BEND6: variants seen among roughly 807,000 people sequenced by gnomAD.
BEND6 encodes the protein BEN domain containing 6, also known as BEN domain-containing protein 6.
In BEND6, 24 loss-of-function variants were observed where a neutral mutation model predicts 31.8. That is an observed-to-expected ratio of 0.75 (90% CI 0.55 to 1.06). The LOEUF (loss-of-function observed/expected upper bound fraction) is 1.06, where lower values mean the gene tolerates loss of function less well. Among genes scored for constraint, BEND6 ranks in the 50% least tolerant of loss-of-function variants. The pLI is 0.00. For missense variants in BEND6, 294 were observed against 327.4 expected (o/e 0.90, Z 0.79); for synonymous variants, 109 against 114.6 (o/e 0.95, Z 0.31).
chr6:56,973,206 C>CA (rs1012146655), intron 1 of BEND6, among the ~76,000 whole-genome samples: 14 of 152,152 alleles, frequency 9.2e-5, no homozygotes, highest in Non-Finnish European at 1.0e-4. Context: ...TCAGCAACCC[C>CA]AGTGAAGTAA....
chr6:57,001,438 C>T (rs568869323), intron 3 of BEND6, among the ~76,000 whole-genome samples: 6 of 152,198 alleles, frequency 3.9e-5, no homozygotes, highest in South Asian at 4.2e-4. Flanking sequence ...GCTGGGATTA[C>T]AGGCATGAGC....
chr6:57,024,990 C>T (rs969439385), intron 6 of BEND6, among the ~76,000 whole-genome samples: 5 of 152,178 alleles, frequency 3.3e-5, no homozygotes, highest in Admixed American at 1.3e-4. Context: ...ATCCATTCTG[C>T]TGTTGAGAGC....
At chr6:56,968,228 C>T (rs1825554328) in intron 1 of BEND6, among the ~76,000 whole-genome samples, 1 of 151,834 alleles carries the variant, frequency 6.6e-6, no homozygotes. Context: ...CTTTCCTTTC[C>T]CTTCATGGAA....
chr6:56,963,948 ATAT>A (rs1825376435), intron 1 of BEND6, among the ~76,000 whole-genome samples: 2 of 147,810 alleles, frequency 1.4e-5, no homozygotes, highest in Non-Finnish European at 3.0e-5. Context: ...TTTTGTAATA[ATAT>A]TGATATAATT....
intron 6 of BEND6, among the ~76,000 whole-genome samples, chr6:57,023,572 C>T (rs1827815817): frequency 6.6e-6 from 1 of 152,178 alleles, no homozygotes; most frequent in South Asian, 2.1e-4. Flanking sequence ...TGCATTCAGC[C>T]ATCCTATACC....
intron 6 of BEND6, 57 bp from the exon 7 acceptor site, chr6:57,026,025 A>G (rs1367638962): frequency 1.3e-5 from 2 of 152,176 alleles, no homozygotes; most frequent in Non-Finnish European, 2.9e-5. Context: ...ATAACTGTTA[A>G]AATACTACGA....
chr6:56,975,720 T>G (rs185238137), intron 1 of BEND6: 13 of 474,998 alleles, frequency 2.7e-5, no homozygotes, highest in Non-Finnish European at 5.0e-5. Context: ...AGTTTTGGGA[T>G]ATTTTGTGCA....
intron 1 of BEND6, among the ~76,000 whole-genome samples, chr6:56,964,993 T>C (rs189183391): frequency 1.3e-5 from 2 of 152,354 alleles, no homozygotes; most frequent in South Asian, 2.1e-4. Context: ...TAGTTCTGAC[T>C]TGCCCTATGG....
rs763105247 is a variant in BEND6, at chr6:57,026,806, TTTTG to T, written c.*742_*745del. 9 of 152,202 alleles carry T rather than the reference TTTTG, an allele frequency of 5.9e-5. No individual in the cohort carries two copies. The highest frequency in any genetic ancestry group is 1.2e-4 in the Non-Finnish European group (8 of 68,032). 9.4% of individuals were successfully genotyped at this position (152,202 alleles called of 1,614,324 possible). Reference sequence around the variant, plus strand: ...AATGCATCAATTTTCAGGGAAATCTTTTTGTTTGTTTATTTACCAGACATGTTCT... The same window carrying T: ...AATGCATCAATTTTCAGGGAAATCTTTTTGTTTATTTACCAGACATGTTCT... On this transcript the variant is annotated 3_prime_UTR_variant, in exon 7 of 7. Coordinates refer to ENST00000370746, the MANE Select transcript of BEND6 (RefSeq NM_152731.3).
At chr6:56,966,774 G>C (rs1377791182) in intron 1 of BEND6, among the ~76,000 whole-genome samples, 1 of 152,186 alleles carries the variant, frequency 6.6e-6, no homozygotes, top group Admixed American at 6.6e-5. Context: ...TTTAGCACTT[G>C]GTTGTTTTGC....
intron 2 of BEND6, among the ~76,000 whole-genome samples, chr6:56,987,341 C>T (rs1826319888): frequency 6.6e-6 from 1 of 152,170 alleles, no homozygotes; most frequent in Non-Finnish European, 1.5e-5. Context: ...GATACAAGCA[C>T]ATTTGGATTC....
At chr6:56,972,315 G>T (rs544355365) in intron 1 of BEND6, among the ~76,000 whole-genome samples, 3 of 151,850 alleles carry the variant, frequency 2.0e-5, no homozygotes, top group African/African-American at 7.3e-5. Context: ...GGCTGGTCTC[G>T]AACCTCTGAG....
intron 6 of BEND6, among the ~76,000 whole-genome samples, chr6:57,018,954 A>G (rs887260697): frequency 1.3e-5 from 2 of 152,182 alleles, no homozygotes; most frequent in African/African-American, 4.8e-5. Flanking sequence ...ATTTCTCTCT[A>G]GGACAGAGGA....
At chr6:57,018,074 A>C (rs1827625185) in intron 5 of BEND6, among the ~76,000 whole-genome samples, 1 of 151,172 alleles carries the variant, frequency 6.6e-6, no homozygotes, top group Non-Finnish European at 1.5e-5. Context: ...GATACAGAAA[A>C]AGATCAGTCA....
At chr6:56,993,844 T>C (rs1826600342) in intron 3 of BEND6, among the ~76,000 whole-genome samples, 1 of 152,080 alleles carries the variant, frequency 6.6e-6, no homozygotes, top group South Asian at 2.1e-4. Flanking sequence ...ACTTTTGGCA[T>C]GCACCACCAC....
At chr6:57,016,260 A>G (rs973882543) in intron 4 of BEND6, among the ~76,000 whole-genome samples, 5 of 152,214 alleles carry the variant, frequency 3.3e-5, no homozygotes, top group Admixed American at 2.0e-4. Flanking sequence ...AATATTAACT[A>G]ACAATCTGAC....
intron 2 of BEND6, among the ~76,000 whole-genome samples, chr6:56,989,062 T>C (rs1826394285): frequency 6.6e-6 from 1 of 151,138 alleles, no homozygotes; most frequent in Non-Finnish European, 1.5e-5. Context: ...ATAATAACAA[T>C]AATAGTTTTA....
intron 3 of BEND6, among the ~76,000 whole-genome samples, chr6:57,007,877 A>T (rs993679345): frequency 5.9e-4 from 90 of 152,302 alleles, no homozygotes; most frequent in African/African-American, 2.0e-3. Flanking sequence ...AGGCCCAATA[A>T]CAGGAAGCAG....
In BEND6 at chr6:56,973,497, CATT is replaced by C. The variant is rs201950839; in HGVS notation, c.-100-8212_-100-8210del. 7.1e-4 allele frequency among the ~76,000 whole-genome samples: 108 copies of C among 152,198 alleles called. 4 individuals carry two copies. In the East Asian group the frequency reaches 0.02, roughly 28 times the overall value. ...AATTTATTAATTAGGCACAGTAAAA[CATT>C]AATAACAATAACTAATAGTAATATA... On this transcript the variant is annotated intron_variant, in intron 1 of 6. Transcript: ENST00000370746.
Sources: gnomAD v4.1 joint callset for allele counts (sites outside exome capture counted in the v4.1 genomes callset) on GRCh38, gnomAD v4.1.1 for gene constraint, MANE v1.5 for transcripts, NCBI Gene and HGNC (gene_info 2026-07-23, HGNC 2026-07-21) for gene names.